IQCJ: variants seen among roughly 807,000 people sequenced by gnomAD.
The protein encoded by IQCJ is IQ motif containing J, also known as IQ domain-containing protein J.
Under a neutral mutation model 11.0 loss-of-function variants are expected in IQCJ, and 9 were observed. That is an observed-to-expected ratio of 0.82 (90% CI 0.49 to 1.43). The LOEUF is 1.43. IQCJ is among the 40% of genes most tolerant of loss of function. The pLI is 0.00. For synonymous variants in IQCJ, 55 were observed against 51.3 expected (o/e 1.07, Z -0.31); for missense variants, 146 against 133.2 (o/e 1.10, Z -0.47).
chr3:159,158,396 G>GT (rs1476314918), intron 1 of IQCJ, among the ~76,000 whole-genome samples: 1 of 152,176 alleles, frequency 6.6e-6, no homozygotes, highest in Non-Finnish European at 1.5e-5. Context: ...CAGAAGTTTT[G>GT]TGAGTTCAGG....
intron 1 of IQCJ, among the ~76,000 whole-genome samples, chr3:159,147,956 C>CCACAT (rs1179819323): frequency 1.3e-5 from 2 of 152,234 alleles, no homozygotes; most frequent in Non-Finnish European, 2.9e-5. Flanking sequence ...GGTCCCCAGA[C>CCACAT]CAGCAGCATC....
intron 1 of IQCJ, among the ~76,000 whole-genome samples, chr3:159,234,594 A>G (rs1258707586): frequency 6.6e-6 from 1 of 152,204 alleles, no homozygotes; most frequent in Non-Finnish European, 1.5e-5. Flanking sequence ...GCTTGAGACC[A>G]GGAGATAGAG....
At chr3:159,087,259 G>A (rs372114589) in intron 1 of IQCJ, among the ~76,000 whole-genome samples, 3 of 151,856 alleles carry the variant, frequency 2.0e-5, no homozygotes, top group East Asian at 3.9e-4. Flanking sequence ...TGCATCCCAG[G>A]GATGAAGCCC....
intron 1 of IQCJ, among the ~76,000 whole-genome samples, chr3:159,218,063 CACTT>C (rs1725333647): frequency 6.6e-6 from 1 of 151,030 alleles, no homozygotes; most frequent in African/African-American, 2.4e-5. Context: ...TAATAGCAAA[CACTT>C]ATGTACATGG....
chr3:159,260,496 C>G (rs933965875), intron 3 of IQCJ, among the ~76,000 whole-genome samples: 4 of 152,114 alleles, frequency 2.6e-5, no homozygotes, highest in Non-Finnish European at 2.9e-5. Flanking sequence ...AACCTTCAAG[C>G]AGCAGAATTT....
intron 1 of IQCJ, among the ~76,000 whole-genome samples, chr3:159,233,686 T>C (rs1726403943): frequency 2.0e-5 from 3 of 152,064 alleles, no homozygotes; most frequent in South Asian, 4.1e-4. Context: ...CAGCCCAAGA[T>C]TACACAGGAA....
chr3:159,163,238 C>T (rs2108224269), intron 1 of IQCJ, among the ~76,000 whole-genome samples: 1 of 152,322 alleles, frequency 6.6e-6, no homozygotes. Flanking sequence ...ATCAAGTGGG[C>T]TTCAGCCCTG....
intron 1 of IQCJ, among the ~76,000 whole-genome samples, chr3:159,122,984 G>A (rs888534937): frequency 6.6e-6 from 1 of 152,138 alleles, no homozygotes; most frequent in African/African-American, 2.4e-5. Context: ...AACTTTCAGA[G>A]GGAAGCAGCA....
intron 3 of IQCJ, among the ~76,000 whole-genome samples, chr3:159,260,310 T>A (rs1005662586): frequency 6.6e-6 from 1 of 152,194 alleles, no homozygotes; most frequent in Non-Finnish European, 1.5e-5. Flanking sequence ...ATATTTTGTT[T>A]TTGTATGTTC....
chr3:159,149,044 G>A (rs1454045570), intron 1 of IQCJ, among the ~76,000 whole-genome samples: 1 of 152,138 alleles, frequency 6.6e-6, no homozygotes, highest in Non-Finnish European at 1.5e-5. Context: ...TTAGTGGTTT[G>A]TGAGCCCACT....
At chr3:159,092,289 G>A (rs1717368355) in intron 1 of IQCJ, among the ~76,000 whole-genome samples, 1 of 151,918 alleles carries the variant, frequency 6.6e-6, no homozygotes, top group African/African-American at 2.4e-5. Flanking sequence ...CAAGTGGCTG[G>A]TATCTTTGGG....
chr3:159,259,849 A>T (rs1728103612), intron 3 of IQCJ, among the ~76,000 whole-genome samples: 1 of 152,208 alleles, frequency 6.6e-6, no homozygotes, highest in Non-Finnish European at 1.5e-5. Context: ...AACTGTAATT[A>T]TGAAGGACAA....
At chr3:159,124,938 T>A (rs376642096) in intron 1 of IQCJ, among the ~76,000 whole-genome samples, 5 of 152,284 alleles carry the variant, frequency 3.3e-5, no homozygotes, top group South Asian at 4.2e-4. Flanking sequence ...CACAACATAC[T>A]CGCAAGGTAC....
rs80261785 is a variant in IQCJ at position 159,172,955 on chromosome 3, G to A, written c.10-72888G>A. ...GAGAGTTACTTTCCTAAGTCACTGC[G>A]TAAGACAATATATAACAGATCAAAT... On this transcript the variant is annotated intron_variant, in intron 1 of 3. Transcript: ENST00000397832. Among the ~76,000 whole-genome samples the A allele has an allele frequency of 9.1e-3, 1,391 of 152,168 alleles. 17 individuals are homozygous for A. The highest frequency in any genetic ancestry group is 0.032 in the African/African-American group (1,343 of 41,502).
intron 1 of IQCJ, among the ~76,000 whole-genome samples, chr3:159,093,465 T>C (rs1295520849): frequency 6.6e-6 from 1 of 151,824 alleles, no homozygotes. Flanking sequence ...ACATTTCCAA[T>C]AAAATGCTCC....
chr3:159,142,427 C>G (rs116284063), intron 1 of IQCJ, among the ~76,000 whole-genome samples: 43,337 of 128,044 alleles, frequency 0.34, 7,313 homozygotes, highest in Non-Finnish European at 0.43. Context: ...GTCTTTTCCC[C>G]CCCCCACCAG....
At chr3:159,261,475 C>T (rs1395004027) in intron 3 of IQCJ, among the ~76,000 whole-genome samples, 2 of 152,158 alleles carry the variant, frequency 1.3e-5, no homozygotes, top group Non-Finnish European at 2.9e-5. Flanking sequence ...CAGATGTAGA[C>T]AATTGAATCA....
At chr3:159,092,558 C>T (rs534464869) in intron 1 of IQCJ, among the ~76,000 whole-genome samples, 192 of 151,748 alleles carry the variant, frequency 1.3e-3, no homozygotes, top group East Asian at 5.4e-3. Flanking sequence ...ATTAGCCAGG[C>T]GTGGTGACAG....
intron 1 of IQCJ, among the ~76,000 whole-genome samples, chr3:159,190,883 A>G (rs535403253): frequency 1.3e-5 from 2 of 152,372 alleles, no homozygotes; most frequent in South Asian, 4.1e-4. Flanking sequence ...CAGTGGCTCA[A>G]AAGGTGTTCT....
Sources: allele counts gnomAD v4.1 joint callset (sites outside exome capture counted in the v4.1 genomes callset), GRCh38; gene constraint gnomAD v4.1.1; transcripts MANE v1.5; gene names NCBI Gene and HGNC (gene_info 2026-07-23, HGNC 2026-07-21).